Variants in CACNA2D1 observed in about 807,000 individuals in gnomAD.
The protein encoded by CACNA2D1 is voltage-dependent calcium channel subunit alpha-2/delta-1.
CACNA2D1 carries 53 observed loss-of-function variants against 171.5 expected under a neutral mutation model. The ratio of observed to expected loss-of-function variants is 0.31; its 90% confidence interval spans 0.25 to 0.39. The LOEUF is 0.39. Ranked by LOEUF, CACNA2D1 falls within the 10% of genes least tolerant of loss-of-function variation. The probability of loss-of-function intolerance (pLI) is 1.00; values close to 1 mark genes in which losing one functional copy is unlikely to be tolerated. For missense variants in CACNA2D1, 903 were observed against 1,299.8 expected, an observed-to-expected ratio of 0.69 and a Z score of 4.69; for synonymous variants, 442 against 443.1, an observed-to-expected ratio of 1.00 and a Z score of 0.03.
intron 3 of CACNA2D1, among the ~76,000 whole-genome samples, chr7:82,251,231 G>C (rs1250650034): frequency 6.6e-6 from 1 of 152,044 alleles, no homozygotes. Context: ...TTTTTAAAAA[G>C]CCTGTAAAAT....
At chr7:82,011,222 G>T (rs1799734621) in intron 15 of CACNA2D1, among the ~76,000 whole-genome samples, 1 of 152,106 alleles carries the variant, frequency 6.6e-6, no homozygotes, top group Admixed American at 6.6e-5. Context: ...ACTGAGAGAA[G>T]ATGAATTGTC....
At chr7:82,011,575 C>T (rs746867711) in intron 15 of CACNA2D1, among the ~76,000 whole-genome samples, 3 of 152,114 alleles carry the variant, frequency 2.0e-5, no homozygotes, top group Non-Finnish European at 4.4e-5. Flanking sequence ...CAGATTTGAT[C>T]GCCTCAATGA....
At chr7:82,362,175 C>A (rs1399640129) in intron 1 of CACNA2D1, among the ~76,000 whole-genome samples, 1 of 152,116 alleles carries the variant, frequency 6.6e-6, no homozygotes, top group Non-Finnish European at 1.5e-5. Flanking sequence ...CATGAAGCAG[C>A]CAGTAACATG....
chr7:81,984,503 T>C (rs1796757266), intron 22 of CACNA2D1, 132 bp downstream of exon 22: 1 of 688,398 alleles, frequency 1.5e-6, no homozygotes, highest in Non-Finnish European at 2.7e-6. Flanking sequence ...GTTAGAATCA[T>C]TGCTGTAGAT....
At chr7:81,967,074 A>T in intron 31 of CACNA2D1, 95 bp downstream of exon 31, 1 of 847,418 alleles carries the variant, frequency 1.2e-6, no homozygotes, top group Non-Finnish European at 1.9e-6. Context: ...GCCTTTGATT[A>T]AAAAATTCCT....
chr7:82,418,134 T>G (rs1828359730), intron 1 of CACNA2D1, among the ~76,000 whole-genome samples: 1 of 152,178 alleles, frequency 6.6e-6, no homozygotes, highest in Non-Finnish European at 1.5e-5. Flanking sequence ...AAACACATCC[T>G]TCTTCACATG....
At chr7:82,273,690 A>T (rs868086128) in intron 3 of CACNA2D1, among the ~76,000 whole-genome samples, 21 of 152,082 alleles carry the variant, frequency 1.4e-4, no homozygotes, top group Admixed American at 3.9e-4. Context: ...AAATAGGAAA[A>T]CATTCTGAAT....
intron 5 of CACNA2D1, 131 bp downstream of exon 5, chr7:82,136,504 T>C (rs1791626556): frequency 3.2e-6 from 2 of 629,120 alleles, no homozygotes; most frequent in Admixed American, 2.9e-5. Flanking sequence ...ATCTCGTATC[T>C]AACTAGTATT....
chr7:81,967,553 A>G, intron 30 of CACNA2D1, 43 bp downstream of exon 30: 1 of 1,057,996 alleles, frequency 9.5e-7, no homozygotes, highest in Non-Finnish European at 1.4e-6. Flanking sequence ...TTGAATTTTG[A>G]AAACATTAAA....
At chr7:82,187,365 T>C (rs1161792027) in intron 3 of CACNA2D1, among the ~76,000 whole-genome samples, 1 of 151,992 alleles carries the variant, frequency 6.6e-6, no homozygotes, top group South Asian at 2.1e-4. Flanking sequence ...CTAAAAACAA[T>C]CTAACCTATA....
At chr7:82,067,292 T>TA (rs1225630630) in intron 7 of CACNA2D1, among the ~76,000 whole-genome samples, 2 of 152,220 alleles carry the variant, frequency 1.3e-5, no homozygotes, top group Non-Finnish European at 2.9e-5. Context: ...AATTGGATGA[T>TA]AATTTCATGC....
chr7:81,975,200 T>C (rs920768158), intron 24 of CACNA2D1, among the ~76,000 whole-genome samples: 1 of 152,142 alleles, frequency 6.6e-6, no homozygotes, highest in African/African-American at 2.4e-5. Flanking sequence ...AAAAGGTATA[T>C]AGGTTCTCTC....
intron 3 of CACNA2D1, among the ~76,000 whole-genome samples, chr7:82,197,504 G>C (rs2129198640): frequency 6.6e-6 from 1 of 152,138 alleles, no homozygotes; most frequent in Non-Finnish European, 1.5e-5. Context: ...TAATTTTCTA[G>C]TATATGGGGC....
chr7:82,354,467 A>G (rs1820206694), intron 1 of CACNA2D1, among the ~76,000 whole-genome samples: 1 of 152,208 alleles, frequency 6.6e-6, no homozygotes, highest in Non-Finnish European at 1.5e-5. Context: ...AAGAGAGGAT[A>G]ATTCTTCTCT....
chr7:82,060,219 T>C (rs1161902851), intron 10 of CACNA2D1, among the ~76,000 whole-genome samples: 2 of 60,936 alleles, frequency 3.3e-5, no homozygotes, highest in African/African-American at 1.2e-4. Context: ...ATAATATATA[T>C]ATAATATATA....
intron 2 of CACNA2D1, among the ~76,000 whole-genome samples, chr7:82,347,150 T>C (rs1819345700): frequency 6.6e-6 from 1 of 152,184 alleles, no homozygotes; most frequent in Non-Finnish European, 1.5e-5. Context: ...GCAGGTAACC[T>C]GGGAAAAATC....
intron 4 of CACNA2D1, among the ~76,000 whole-genome samples, chr7:82,140,702 T>C (rs1417839982): frequency 1.3e-5 from 2 of 152,098 alleles, no homozygotes; most frequent in African/African-American, 4.8e-5. Context: ...ATGCCTGTAG[T>C]CCCAGCAGTT....
chr7:82,194,737 G>A (rs1798685309), intron 3 of CACNA2D1, among the ~76,000 whole-genome samples: 1 of 151,916 alleles, frequency 6.6e-6, no homozygotes, highest in African/African-American at 2.4e-5. Context: ...GTCAGATCAG[G>A]GAGAAGAGAT....
At chr7:82,395,945 T>A (rs896930073) in intron 1 of CACNA2D1, among the ~76,000 whole-genome samples, 3 of 152,212 alleles carry the variant, frequency 2.0e-5, no homozygotes, top group African/African-American at 7.2e-5. Context: ...AGATGATATA[T>A]GTGAAAATCC....
Sources: gnomAD v4.1 joint callset for allele counts (sites outside exome capture counted in the v4.1 genomes callset) on GRCh38, gnomAD v4.1.1 for gene constraint, MANE v1.5 for transcripts, NCBI Gene and HGNC (gene_info 2026-07-23, HGNC 2026-07-21) for gene names.